Variants in GPC6 observed in about 807,000 individuals in gnomAD.
The protein encoded by GPC6 is glypican-6.
GPC6 carries 14 observed loss-of-function variants against 55.2 expected under a neutral mutation model. That is an observed-to-expected ratio of 0.25 (90% confidence interval 0.17 to 0.40). The LOEUF is 0.40. Among genes scored for constraint, GPC6 ranks in the 10% least tolerant of loss-of-function variants. The pLI, the probability that GPC6 is intolerant of heterozygous loss-of-function variation, is 1.00. For synonymous variants in GPC6, 278 were observed against 259.6 expected (o/e 1.07, Z -0.68); for missense variants, 641 against 708.5 (o/e 0.90, Z 1.08).
rs372292651 is a variant in GPC6, at chr13:93,853,823, ATTG to A, written c.711+23283_711+23285del. Among the ~76,000 whole-genome samples the A allele has an allele frequency of 2.0e-3, 308 of 151,788 alleles. 2 individuals are homozygous for A. Among genetic ancestry groups the A allele is most frequent in the African/African-American group, 7.2e-3 (300 of 41,496 alleles). On this transcript the variant is annotated intron_variant, in intron 3 of 8. Transcript: ENST00000377047. ...TAATTTTATTTTTAATATTTGTGTT[ATTG>A]TTGTCCTCACGGGAATTAAATACTA...
chr13:94,011,890 A>G (rs774317282), intron 3 of GPC6, among the ~76,000 whole-genome samples: 25 of 152,252 alleles, frequency 1.6e-4, no homozygotes, highest in Non-Finnish European at 3.7e-4. Flanking sequence ...AAGCAGTGCC[A>G]GCACATGGTG....
chr13:93,771,404 T>G (rs1885288699), intron 2 of GPC6, among the ~76,000 whole-genome samples: 1 of 152,150 alleles, frequency 6.6e-6, no homozygotes, highest in South Asian at 2.1e-4. Context: ...AGGGGAGTGC[T>G]GCTTTTTTGG....
At chr13:94,161,309 T>TCCTTTAAAAAA (rs1256955190) in intron 4 of GPC6, among the ~76,000 whole-genome samples, 1 of 150,530 alleles carries the variant, frequency 6.6e-6, no homozygotes. Flanking sequence ...AAGATAAGAG[T>TCCTTTAAAAAA]GTTTAAAAAT....
intron 6 of GPC6, among the ~76,000 whole-genome samples, chr13:94,377,605 A>C (rs201677083): frequency 0.11 from 16,615 of 149,832 alleles, 1,034 homozygotes; most frequent in East Asian, 0.3. Context: ...GTGGGACTGT[A>C]AACTAGTTCA....
At chr13:93,735,720 C>T (rs1487540426) in intron 2 of GPC6, among the ~76,000 whole-genome samples, 1 of 152,114 alleles carries the variant, frequency 6.6e-6, no homozygotes, top group Non-Finnish European at 1.5e-5. Flanking sequence ...TAATCACTAC[C>T]TGTAACAAGG....
chr13:93,751,149 A>C (rs1233805229), intron 2 of GPC6, among the ~76,000 whole-genome samples: 2 of 103,496 alleles, frequency 1.9e-5, no homozygotes, highest in African/African-American at 3.4e-5. Context: ...TTCAAGTCCC[A>C]AAAAAAGAAA....
intron 1 of GPC6, among the ~76,000 whole-genome samples, chr13:93,433,749 G>C (rs578198797): frequency 5.3e-5 from 8 of 152,272 alleles, no homozygotes; most frequent in African/African-American, 1.9e-4. Flanking sequence ...GCTATGGTGG[G>C]TTTTCCAGGG....
At chr13:94,064,868 C>G (rs998880661) in intron 4 of GPC6, among the ~76,000 whole-genome samples, 1 of 152,150 alleles carries the variant, frequency 6.6e-6, no homozygotes, top group African/African-American at 2.4e-5. Context: ...CTCCCAAGTA[C>G]TCTTGGTATC....
At chr13:94,124,856 C>T (rs368422361) in intron 4 of GPC6, among the ~76,000 whole-genome samples, 11 of 152,136 alleles carry the variant, frequency 7.2e-5, no homozygotes, top group African/African-American at 2.2e-4. Context: ...ATCATTTTTC[C>T]ATTTCTCCCC....
At chr13:94,335,179 G>C (rs748190037) in intron 6 of GPC6, among the ~76,000 whole-genome samples, 1 of 152,148 alleles carries the variant, frequency 6.6e-6, no homozygotes, top group Admixed American at 6.5e-5. Context: ...GGGCAACAAC[G>C]CTATAAAGGG....
chr13:93,925,099 C>T (rs1877784217), intron 3 of GPC6, among the ~76,000 whole-genome samples: 1 of 152,166 alleles, frequency 6.6e-6, no homozygotes, highest in Non-Finnish European at 1.5e-5. Context: ...ATTTTACCTA[C>T]TTTGTCTCAT....
At chr13:93,255,806 AC>A (rs1258997891) in intron 1 of GPC6, among the ~76,000 whole-genome samples, 1 of 152,124 alleles carries the variant, frequency 6.6e-6, no homozygotes. Context: ...TTCACTAATT[AC>A]CATAATAAAT....
chr13:93,297,358 G>A (rs1878530228), intron 1 of GPC6, among the ~76,000 whole-genome samples: 1 of 152,172 alleles, frequency 6.6e-6, no homozygotes, highest in South Asian at 2.1e-4. Flanking sequence ...TTAATACCCA[G>A]GTGATGGGTT....
At chr13:94,320,794 T>G (rs1421379647) in intron 6 of GPC6, among the ~76,000 whole-genome samples, 1 of 152,256 alleles carries the variant, frequency 6.6e-6, no homozygotes, top group Non-Finnish European at 1.5e-5. Flanking sequence ...TGCCAACTTG[T>G]TGACTCCTAC....
At chr13:93,410,148 G>C (rs911447917) in intron 1 of GPC6, among the ~76,000 whole-genome samples, 1 of 152,078 alleles carries the variant, frequency 6.6e-6, no homozygotes, top group Non-Finnish European at 1.5e-5. Context: ...CTGCTGACCT[G>C]TTAATCATTT....
chr13:93,259,574 T>G (rs543401807), intron 1 of GPC6, among the ~76,000 whole-genome samples: 11 of 152,256 alleles, frequency 7.2e-5, no homozygotes, highest in African/African-American at 2.6e-4. Context: ...TCTTTATGAG[T>G]CTTTTGTTTG....
intron 6 of GPC6, among the ~76,000 whole-genome samples, chr13:94,350,882 G>A (rs1878506189): frequency 6.6e-6 from 1 of 152,170 alleles, no homozygotes; most frequent in Non-Finnish European, 1.5e-5. Flanking sequence ...ATGAGGGGGT[G>A]AGAGGGAAAG....
Position 93,640,038 on chromosome 13 carries a change from G to T in GPC6, c.319+94617G>T, listed in dbSNP as rs114485194. Among the ~76,000 whole-genome samples, 177 of 152,126 alleles carry T rather than the reference G, an allele frequency of 1.2e-3. 1 individual carries two copies. Among genetic ancestry groups the T allele is most frequent in the African/African-American group, 4.0e-3 (165 of 41,520 alleles). On this transcript the variant is annotated intron_variant, in intron 2 of 8. Transcript: ENST00000377047. ...ATAATTACTACCAATTATATCTGCT[G>T]CCAGACCTTATGATTTAATATGTTC...
Position 93,490,788 on chromosome 13 carries a change from C to T in GPC6, c.161-54475C>T, listed in dbSNP as rs1266439533. On this transcript the variant is annotated intron_variant, in intron 1 of 8. Transcript: ENST00000377047. ...TGCGGTGTTTGGTTTTTTGTTCTTG[C>T]GATAGTTTACTGAGAATGATGGTTT... 1.7e-4 allele frequency among the ~76,000 whole-genome samples: 19 copies of T among 114,388 alleles called. No homozygotes were observed. The East Asian group carries it at 2.7e-3, about 16-fold the overall frequency. The allele number at this position is 114,388 out of a possible 152,430, so 75.0% of individuals were successfully genotyped here.
Sources: gnomAD v4.1 joint callset for allele counts (sites outside exome capture counted in the v4.1 genomes callset) on GRCh38, gnomAD v4.1.1 for gene constraint, MANE v1.5 for transcripts, NCBI Gene and HGNC (gene_info 2026-07-23, HGNC 2026-07-21) for gene names.